HHIP: variants seen among roughly 807,000 people sequenced by gnomAD.
HHIP encodes the protein hedgehog interacting protein, also known as hedgehog-interacting protein.
HHIP carries 12 observed loss-of-function variants against 74.0 expected under a neutral mutation model. That is an observed-to-expected ratio of 0.16 (90% confidence interval 0.10 to 0.26). HHIP has a LOEUF of 0.26. Ranked by LOEUF, HHIP falls within the 10% of genes least tolerant of loss-of-function variation. The probability of loss-of-function intolerance (pLI) is 1.00; values close to 1 mark genes in which losing one functional copy is unlikely to be tolerated. For synonymous variants in HHIP, 309 were observed against 311.6 expected, an observed-to-expected ratio of 0.99 and a Z score of 0.09; for missense variants, 788 against 845.0, an observed-to-expected ratio of 0.93 and a Z score of 0.84.
intron 1 of HHIP, among the ~76,000 whole-genome samples, chr4:144,647,798 C>A (rs1728307942): frequency 6.6e-6 from 1 of 152,056 alleles, no homozygotes; most frequent in African/African-American, 2.4e-5. Context: ...TACTGTACTC[C>A]AAGGAATCAT....
At position 144,668,239 on chromosome 4, in the gene HHIP, C is replaced by T. The variant is rs187857348; in HGVS notation, c.831+8401C>T. ...AGCTGAGGCAGGAGAATCACTTGAACCCCGGAGGCGGAGGTTGCAGTGAGC... is the reference window on the plus strand; with the variant it reads ...AGCTGAGGCAGGAGAATCACTTGAATCCCGGAGGCGGAGGTTGCAGTGAGC... On this transcript the variant is annotated intron_variant, in intron 4 of 12. Transcript: ENST00000296575. Among the ~76,000 whole-genome samples the T allele has an allele frequency of 3.6e-3, 553 of 152,066 alleles. 5 individuals carry two copies. Among genetic ancestry groups the T allele is most frequent in the African/African-American group, 0.012 (515 of 41,488 alleles).
intron 4 of HHIP, among the ~76,000 whole-genome samples, chr4:144,705,395 C>A (rs1195465271): frequency 6.6e-6 from 1 of 152,112 alleles, no homozygotes; most frequent in African/African-American, 2.4e-5. Flanking sequence ...TCTGCTAACA[C>A]TTGAGAAGGA....
chr4:144,737,632 T>C, intron 12 of HHIP, 132 bp from the exon 13 acceptor site: 2 of 703,244 alleles, frequency 2.8e-6, no homozygotes, highest in Non-Finnish European at 2.2e-6. Context: ...ATCTTTCAGA[T>C]CATTTTGTAA....
intron 4 of HHIP, chr4:144,660,210 G>A (rs900497348): frequency 2.3e-5 from 7 of 301,254 alleles, no homozygotes; most frequent in Admixed American, 5.0e-5. Context: ...TTTGGCAATT[G>A]CAAATCATTC....
At chr4:144,660,774 C>G (rs1347821227) in intron 4 of HHIP, among the ~76,000 whole-genome samples, 1 of 152,018 alleles carries the variant, frequency 6.6e-6, no homozygotes, top group Non-Finnish European at 1.5e-5. Context: ...TGACTCCAGT[C>G]TTTATTTTTT....
At chr4:144,718,030 G>A (rs1041956875) in intron 10 of HHIP, among the ~76,000 whole-genome samples, 13 of 152,180 alleles carry the variant, frequency 8.5e-5, no homozygotes, top group African/African-American at 3.1e-4. Flanking sequence ...TGGGGATGCA[G>A]CAGTGGATAA....
At chr4:144,728,662 T>C (rs1195621118) in intron 11 of HHIP, among the ~76,000 whole-genome samples, 1 of 152,142 alleles carries the variant, frequency 6.6e-6, no homozygotes, top group Non-Finnish European at 1.5e-5. Flanking sequence ...ATGAAAGCTG[T>C]AACTCTTAAA....
At chr4:144,730,421 T>A (rs1730920108) in intron 11 of HHIP, among the ~76,000 whole-genome samples, 1 of 152,204 alleles carries the variant, frequency 6.6e-6, no homozygotes, top group Non-Finnish European at 1.5e-5. Context: ...GCTAGATATA[T>A]TCTTTTTTAC....
In HHIP at chr4:144,728,504, A is replaced by G. The variant is rs142861746; in HGVS notation, c.1761-6237A>G. ...AATTAAAAATTAGAATATGATTTAT[A>G]AGGTATATAAATTCAGAGTTATCCT... On this transcript the variant is annotated intron_variant, in intron 11 of 12. Coordinates refer to ENST00000296575, the MANE Select transcript of HHIP (RefSeq NM_022475.3). Among the ~76,000 whole-genome samples, 9 of 152,320 alleles carry G rather than the reference A, an allele frequency of 5.9e-5. No individual in the cohort carries two copies. In the East Asian group the frequency reaches 1.5e-3, roughly 26 times the overall value.
At chr4:144,732,544 A>G (rs1205286863) in intron 11 of HHIP, among the ~76,000 whole-genome samples, 3 of 152,182 alleles carry the variant, frequency 2.0e-5, no homozygotes, top group Non-Finnish European at 4.4e-5. Context: ...CTCTCCCCTA[A>G]AGAATAGCCC....
At chr4:144,706,144 T>G (rs961748573) in intron 4 of HHIP, among the ~76,000 whole-genome samples, 1 of 152,192 alleles carries the variant, frequency 6.6e-6, no homozygotes, top group African/African-American at 2.4e-5. Flanking sequence ...GAGACTTGGA[T>G]TAGAAGTGAC....
intron 2 of HHIP, among the ~76,000 whole-genome samples, chr4:144,657,596 T>G (rs1056506142): frequency 1.3e-5 from 2 of 152,160 alleles, no homozygotes; most frequent in African/African-American, 4.8e-5. Flanking sequence ...AATACCTTAT[T>G]AACTCAAATT....
chr4:144,742,995 TA>T lies in HHIP; in HGVS notation c.*5039del, dbSNP rs1202328315. 9 of 578 alleles carry T rather than the reference TA, an allele frequency of 0.016. No individual in the cohort carries two copies. Among genetic ancestry groups the T allele is most frequent in the Non-Finnish European group, 0.02 (2 of 102 alleles). The allele number at this position is 578 out of a possible 1,614,324, so 0.0% of individuals were successfully genotyped here. On this transcript the variant is annotated 3_prime_UTR_variant, in exon 13 of 13. Transcript: ENST00000296575. ...TGTATATATATATACATTATATATA[TA>T]TAATATATATATATTATATATATAT...
At chr4:144,720,543 A>G (rs1461029710) in intron 11 of HHIP, among the ~76,000 whole-genome samples, 1 of 152,064 alleles carries the variant, frequency 6.6e-6, no homozygotes, top group African/African-American at 2.4e-5. Flanking sequence ...GTGTCTAATT[A>G]CCAAGGTTGC....
chr4:144,658,886 G>T lies in HHIP; in HGVS notation c.569G>T (p.Gly190Val), dbSNP rs149139999. ...GATTTTCCAAGAAAACAAGTCAGAG[G>T]ACCAGCATCTAACTACTTGGACCAG... ...FPDFPRKQVR[G>V]PASNYLDQME... Residue 190 changes from glycine to valine, a missense_variant, in exon 3 of 13, where the codon GGA (glycine) becomes GTA (valine). This residue lies in a region of HHIP where 373 missense variants were observed against 366.4 expected (regional missense o/e 1.02). Coordinates refer to ENST00000296575, the MANE Select transcript of HHIP (RefSeq NM_022475.3). 2.4e-5 allele frequency: 39 copies of T among 1,613,590 alleles called. No homozygotes were observed. Among genetic ancestry groups the T allele is most frequent in the Non-Finnish European group, 3.3e-5 (39 of 1,179,670 alleles).
Position 144,737,993 on chromosome 4 carries a change from CATTT to C in HHIP, c.*41_*44del, listed in dbSNP as rs1380316125. ...TGTTTGAATATTCTATTCCAATGGGCATTTATTTTTTATCCTGTCATTAAAAAAA... is the reference window on the plus strand; with the variant it reads ...TGTTTGAATATTCTATTCCAATGGGCATTTTTTATCCTGTCATTAAAAAAA... On this transcript the variant is annotated 3_prime_UTR_variant, in exon 13 of 13. Transcript: ENST00000296575. 2.1e-6 allele frequency: 3 copies of C among 1,439,676 alleles called. No individual in the cohort carries two copies. The Admixed American group carries it at 7.0e-5, about 34-fold the overall frequency. The allele number at this position is 1,439,676 out of a possible 1,614,324, so 89.2% of individuals were successfully genotyped here.
intron 4 of HHIP, among the ~76,000 whole-genome samples, chr4:144,694,798 GT>G (rs1049440185): frequency 3.1e-4 from 47 of 151,760 alleles, no homozygotes; most frequent in African/African-American, 9.2e-4. Flanking sequence ...AAATCAAATG[GT>G]AAGACTTTAT....
chr4:144,737,714 T>A lies in HHIP; in HGVS notation c.1910-50T>A, dbSNP rs1232634012. On this transcript the variant is annotated intron_variant, in intron 12 of 12. Transcript: ENST00000296575. ...TGTTGGTCTCATGCTCAGTCCTGTT[T>A]CTGACATACAGAATGAGAGTGTGAT... 4 of 1,489,976 alleles carry A rather than the reference T, an allele frequency of 2.7e-6. 1 individual carries two copies. Among genetic ancestry groups the A allele is most frequent in the Middle Eastern group, 3.6e-4 (2 of 5,542 alleles). The allele number at this position is 1,489,976 out of a possible 1,614,324, so 92.3% of individuals were successfully genotyped here. A position where few individuals can be genotyped will look rare whatever the true frequency, so the allele number is the denominator to read the frequency against.
intron 4 of HHIP, chr4:144,685,574 C>G (rs528007643): frequency 3.3e-5 from 5 of 152,284 alleles, no homozygotes; most frequent in African/African-American, 9.6e-5. Flanking sequence ...GGCCAAGCCT[C>G]CTTTTCTTGC....
Sources: gnomAD v4.1 joint callset for allele counts (sites outside exome capture counted in the v4.1 genomes callset) on GRCh38, gnomAD v4.1.1 for gene constraint, gnomAD v4.1.1 regional missense constraint, MANE v1.5 for transcripts, NCBI Gene and HGNC (gene_info 2026-07-23, HGNC 2026-07-21) for gene names.